JAK1: variants seen among roughly 807,000 people sequenced by gnomAD.
JAK1 encodes the protein Janus kinase 1, also known as tyrosine-protein kinase JAK1.
In JAK1, 16 loss-of-function variants were observed where a neutral mutation model predicts 136.6. The ratio of observed to expected loss-of-function variants is 0.12; its 90% CI spans 0.08 to 0.18. The LOEUF (loss-of-function observed/expected upper bound fraction) is 0.18. Ranked by LOEUF, JAK1 falls within the 10% of genes least tolerant of loss-of-function variation. The pLI, the probability that JAK1 is intolerant of heterozygous loss-of-function variation, is 1.00. For missense variants in JAK1, 859 were observed against 1,450.1 expected (o/e 0.59, Z 6.62); for synonymous variants, 492 against 519.5 (o/e 0.95, Z 0.72).
chr1:64,979,565 A>T (rs535958721), intron 2 of JAK1: 1 of 152,360 alleles, frequency 6.6e-6, no homozygotes, highest in Non-Finnish European at 1.5e-5. Context: ...ATACTTACTC[A>T]GTACAAGTAT....
At chr1:64,934,360 A>G (rs1321333297) in intron 1 of JAK1, among the ~76,000 whole-genome samples, 1 of 152,194 alleles carries the variant, frequency 6.6e-6, no homozygotes, top group Non-Finnish European at 1.5e-5. Flanking sequence ...AGAAGGGGAG[A>G]CTGAAGGCTG....
chr1:64,927,308 C>A (rs1330481486), intron 1 of JAK1, among the ~76,000 whole-genome samples: 1 of 152,152 alleles, frequency 6.6e-6, no homozygotes, highest in Non-Finnish European at 1.5e-5. Context: ...ATGTGTTGAT[C>A]CATGTATTTG....
chr1:64,855,460 A>G (rs779195433), intron 11 of JAK1, 49 bp downstream of exon 11: 5 of 1,571,104 alleles, frequency 3.2e-6, no homozygotes. Flanking sequence ...TCTGGGTCTC[A>G]GCACATTACT....
rs1055483302 is a variant in JAK1 at position 64,833,424 on chromosome 1, T to TAAC, written c.*1135_*1137dup. ...AATATCAAACGAATACTAAACAGCA[T>TAAC]AACAAAAAGATTTTCAGACTCTTGG... On this transcript the variant is annotated 3_prime_UTR_variant, in exon 25 of 25. Coordinates refer to ENST00000342505, the MANE Select transcript of JAK1 (RefSeq NM_002227.4). The TAAC allele has an allele frequency of 1.7e-5, 4 of 232,804 alleles. No individual in the cohort carries two copies. The highest frequency in any genetic ancestry group is 6.6e-5 in the African/African-American group (3 of 45,276). The allele number at this position is 232,804 out of a possible 1,614,324, so 14.4% of individuals were successfully genotyped here.
intron 10 of JAK1, among the ~76,000 whole-genome samples, chr1:64,856,971 AACTC>A (rs1432486592): frequency 6.6e-6 from 1 of 152,132 alleles, no homozygotes; most frequent in Non-Finnish European, 1.5e-5. Context: ...TGTTTTGTAA[AACTC>A]ACTGTCTTTG....
At chr1:64,840,844 A>T (rs1259651273) in intron 19 of JAK1, among the ~76,000 whole-genome samples, 1 of 152,010 alleles carries the variant, frequency 6.6e-6, no homozygotes, top group Non-Finnish European at 1.5e-5. Flanking sequence ...GGGGCAAAAG[A>T]AAAAGAGAGA....
At chr1:64,876,283 G>C (rs1644663247) in intron 4 of JAK1, 1 of 152,246 alleles carries the variant, frequency 6.6e-6, no homozygotes, top group Non-Finnish European at 1.5e-5. Flanking sequence ...GGATCTGGTA[G>C]AGATGAGGGC....
At chr1:64,963,545 T>C (rs965893350) in intron 1 of JAK1, among the ~76,000 whole-genome samples, 13 of 152,190 alleles carry the variant, frequency 8.5e-5, no homozygotes, top group Non-Finnish European at 1.0e-4. Flanking sequence ...ACTCAACATA[T>C]TGCCTTAACC....
At chr1:64,981,214 T>C (rs1282663483) in intron 2 of JAK1, among the ~76,000 whole-genome samples, 1 of 152,048 alleles carries the variant, frequency 6.6e-6, no homozygotes, top group East Asian at 1.9e-4. Flanking sequence ...AGGAAATGAG[T>C]CAGGAAGGGT....
intron 2 of JAK1, among the ~76,000 whole-genome samples, chr1:64,993,926 C>T (rs965663537): frequency 6.6e-6 from 1 of 152,146 alleles, no homozygotes; most frequent in Non-Finnish European, 1.5e-5. Flanking sequence ...GGATTACAGG[C>T]ATGTGCCACC....
chr1:65,005,094 C>G (rs1646792942), intron 2 of JAK1, among the ~76,000 whole-genome samples: 1 of 152,072 alleles, frequency 6.6e-6, no homozygotes, highest in Admixed American at 6.5e-5. Context: ...AATCTGAACT[C>G]AAGAAACAAA....
intron 1 of JAK1, among the ~76,000 whole-genome samples, chr1:64,939,856 G>A (rs1645857038): frequency 6.6e-6 from 1 of 152,166 alleles, no homozygotes; most frequent in African/African-American, 2.4e-5. Context: ...CCCCCAACTG[G>A]GTGGCTCAAT....
At chr1:64,999,475 T>C (rs1475324007) in intron 2 of JAK1, among the ~76,000 whole-genome samples, 1 of 152,212 alleles carries the variant, frequency 6.6e-6, no homozygotes, top group East Asian at 1.9e-4. Context: ...CAAAGGCTCA[T>C]GGCTGTAATC....
At chr1:64,850,005 G>A (rs558525197) in intron 12 of JAK1, among the ~76,000 whole-genome samples, 7 of 152,250 alleles carry the variant, frequency 4.6e-5, no homozygotes, top group South Asian at 2.1e-4. Context: ...ACAAACCCCC[G>A]AGTGCCACTC....
intron 11 of JAK1, among the ~76,000 whole-genome samples, chr1:64,854,062 G>A (rs998383278): frequency 5.9e-5 from 9 of 152,228 alleles, no homozygotes; most frequent in Non-Finnish European, 1.3e-4. Context: ...CCTCAAGCAT[G>A]AAAACAAAGG....
chr1:64,976,792 G>T (rs887381478), intron 2 of JAK1, among the ~76,000 whole-genome samples: 83 of 152,116 alleles, frequency 5.5e-4, no homozygotes, highest in African/African-American at 1.9e-3. Context: ...TATACCTTCT[G>T]CCAGGGCAAC....
chr1:64,949,177 T>C (rs17127175), intron 1 of JAK1, among the ~76,000 whole-genome samples: 7,528 of 152,268 alleles, frequency 0.049, 403 homozygotes, highest in East Asian at 0.27. Context: ...ATTTGCATTA[T>C]AGAATTGTTT....
intron 1 of JAK1, among the ~76,000 whole-genome samples, chr1:64,956,174 T>C (rs990244576): frequency 1.3e-4 from 20 of 152,362 alleles, no homozygotes; most frequent in Admixed American, 1.0e-3. Flanking sequence ...TGAAAATGTT[T>C]ACTGTCTTTC....
chr1:64,947,622 C>CTTT (rs34888082), intron 1 of JAK1, among the ~76,000 whole-genome samples: 1 of 147,030 alleles, frequency 6.8e-6, no homozygotes, highest in Non-Finnish European at 1.5e-5. Context: ...CCAATAAATC[C>CTTT]TTTTTTTTTT....
Sources: gnomAD v4.1 joint callset for allele counts (sites outside exome capture counted in the v4.1 genomes callset) on GRCh38, gnomAD v4.1.1 for gene constraint, MANE v1.5 for transcripts, NCBI Gene and HGNC (gene_info 2026-07-23, HGNC 2026-07-21) for gene names.